Variants in AGBL4 observed in about 807,000 individuals in gnomAD.
The protein encoded by AGBL4 is AGBL carboxypeptidase 4.
A neutral mutation model predicts 66.4 loss-of-function variants in AGBL4; 58 were observed. That is an observed-to-expected ratio of 0.87 (90% confidence interval 0.71 to 1.09). The LOEUF (loss-of-function observed/expected upper bound fraction) is 1.09, where lower values mean the gene tolerates loss of function less well. Ranked by LOEUF, AGBL4 falls within the 50% of genes least tolerant of loss-of-function variation. The pLI is 0.00. For missense variants in AGBL4, 579 were observed against 631.0 expected (o/e 0.92, Z 0.88); for synonymous variants, 234 against 222.9 (o/e 1.05, Z -0.44).
chr1:48,725,803 C>G (rs1414008311), intron 6 of AGBL4, among the ~76,000 whole-genome samples: 1 of 152,170 alleles, frequency 6.6e-6, no homozygotes, highest in Non-Finnish European at 1.5e-5. Context: ...ATGTACACAA[C>G]AGAGGCCAAA....
At chr1:49,514,232 C>T (rs1354487454) in intron 3 of AGBL4, among the ~76,000 whole-genome samples, 2 of 151,844 alleles carry the variant, frequency 1.3e-5, no homozygotes, top group Non-Finnish European at 2.9e-5. Context: ...GCCTGATTGC[C>T]CTGGCCAGAA....
At chr1:49,335,585 G>T (rs1364822686) in intron 3 of AGBL4, among the ~76,000 whole-genome samples, 1 of 151,086 alleles carries the variant, frequency 6.6e-6, no homozygotes, top group Non-Finnish European at 1.5e-5. Context: ...GTGCAATCTT[G>T]GCTCACTGCA....
At chr1:49,134,475 G>GCCCCCCCCCCC (rs57286157) in intron 4 of AGBL4, among the ~76,000 whole-genome samples, 12 of 112,700 alleles carry the variant, frequency 1.1e-4, no homozygotes, top group Non-Finnish European at 1.8e-4. Context: ...ATTTTGGAGG[G>GCCCCCCCCCCC]CCCCCCCCCC....
At chr1:49,101,188 CT>C (rs921139596) in intron 4 of AGBL4, among the ~76,000 whole-genome samples, 794 of 143,368 alleles carry the variant, frequency 5.5e-3, no homozygotes, top group African/African-American at 8.2e-3. Flanking sequence ...ACTTTTTATT[CT>C]TTTTTTTTTT....
intron 3 of AGBL4, among the ~76,000 whole-genome samples, chr1:49,305,524 G>GA (rs1644833853): frequency 3.3e-5 from 5 of 152,018 alleles, no homozygotes; most frequent in Admixed American, 2.0e-4. Context: ...TGTATTTGTT[G>GA]AAAAAAATCC....
intron 3 of AGBL4, among the ~76,000 whole-genome samples, chr1:49,616,578 T>C (rs932593690): frequency 4.6e-5 from 7 of 152,166 alleles, no homozygotes; most frequent in African/African-American, 1.7e-4. Context: ...GGCTTCCAAT[T>C]TATAACTCAG....
intron 3 of AGBL4, among the ~76,000 whole-genome samples, chr1:49,342,152 T>TC (rs1645553268): frequency 1.3e-5 from 2 of 152,172 alleles, no homozygotes; most frequent in South Asian, 4.1e-4. Flanking sequence ...TCGCTTTTTT[T>TC]CCACTCTCCC....
intron 4 of AGBL4, among the ~76,000 whole-genome samples, chr1:49,060,803 C>T (rs1435532583): frequency 6.6e-6 from 1 of 152,128 alleles, no homozygotes; most frequent in Non-Finnish European, 1.5e-5. Flanking sequence ...ACTCCCAATC[C>T]CAGCTCAGGG....
chr1:49,488,977 T>G (rs1317721843), intron 3 of AGBL4, among the ~76,000 whole-genome samples: 3 of 151,970 alleles, frequency 2.0e-5, no homozygotes, highest in African/African-American at 7.2e-5. Context: ...GCTGCGTGAA[T>G]AGTGCTGCAA....
chr1:48,844,202 T>A (rs976518049), intron 6 of AGBL4, among the ~76,000 whole-genome samples: 3 of 152,152 alleles, frequency 2.0e-5, no homozygotes, highest in Admixed American at 6.5e-5. Flanking sequence ...ATCTTTAACA[T>A]CTCCTCCTCT....
intron 6 of AGBL4, among the ~76,000 whole-genome samples, chr1:48,823,076 T>C (rs1367604187): frequency 6.6e-6 from 1 of 152,206 alleles, no homozygotes; most frequent in South Asian, 2.1e-4. Flanking sequence ...GTACCACTCT[T>C]CTGGCACCAG....
intron 2 of AGBL4, among the ~76,000 whole-genome samples, chr1:49,771,277 G>A (rs932822106): frequency 1.3e-5 from 2 of 151,964 alleles, no homozygotes; most frequent in African/African-American, 2.4e-5. Context: ...TTGGAGGCAC[G>A]TTGTTTAATT....
intron 5 of AGBL4, among the ~76,000 whole-genome samples, chr1:49,037,714 C>T (rs1397878279): frequency 6.6e-6 from 1 of 152,014 alleles, no homozygotes; most frequent in Non-Finnish European, 1.5e-5. Flanking sequence ...TTGTATTATA[C>T]CAGATCTTAC....
intron 3 of AGBL4, among the ~76,000 whole-genome samples, chr1:49,328,764 T>C (rs528613853): frequency 6.6e-6 from 1 of 152,308 alleles, no homozygotes; most frequent in Admixed American, 6.5e-5. Context: ...GTAAAGTGAA[T>C]AGCCATTCAC....
At chr1:49,319,566 C>T (rs1490135724) in intron 3 of AGBL4, among the ~76,000 whole-genome samples, 1 of 152,122 alleles carries the variant, frequency 6.6e-6, no homozygotes, top group Non-Finnish European at 1.5e-5. Context: ...GTCCATATCC[C>T]AGCCTACAGG....
intron 9 of AGBL4, among the ~76,000 whole-genome samples, chr1:48,613,696 C>G (rs1236809319): frequency 6.6e-6 from 1 of 152,184 alleles, no homozygotes; most frequent in Non-Finnish European, 1.5e-5. Context: ...CACCTTTAGC[C>G]TGGGCCCTAG....
chr1:48,698,646 C>T (rs2148502723), intron 6 of AGBL4, among the ~76,000 whole-genome samples: 1 of 152,300 alleles, frequency 6.6e-6, no homozygotes, highest in Non-Finnish European at 1.5e-5. Context: ...GAGACCAAGG[C>T]TCATACAGGA....
intron 9 of AGBL4, among the ~76,000 whole-genome samples, chr1:48,618,298 T>C (rs1645352916): frequency 2.0e-5 from 3 of 152,208 alleles, no homozygotes; most frequent in Admixed American, 2.0e-4. Context: ...CTGAAAACTA[T>C]ACATCTCTGT....
Position 49,968,219 on chromosome 1 carries a change from CA to C in AGBL4, c.34+55543del, listed in dbSNP as rs10661536. Among the ~76,000 whole-genome samples, 373 of 135,392 alleles carry C rather than the reference CA, an allele frequency of 2.8e-3. 1 individual carries two copies. The highest frequency in any genetic ancestry group is 7.2e-3 in the African/African-American group (255 of 35,204). The allele number at this position is 135,392 out of a possible 152,430, so 88.8% of individuals were successfully genotyped here. A position where few individuals can be genotyped will look rare whatever the true frequency, so the allele number is the denominator to read the frequency against. On this transcript the variant is annotated intron_variant, in intron 1 of 13. Transcript: ENST00000371839. Reference sequence around the variant, plus strand: ...GCCTGGGCAAAAAGAGGGAGACTGTCAAAAAAAAAAAAAAATCAGCATTTCC... The same window carrying C: ...GCCTGGGCAAAAAGAGGGAGACTGTCAAAAAAAAAAAAAATCAGCATTTCC...
Sources: allele counts gnomAD v4.1 joint callset (sites outside exome capture counted in the v4.1 genomes callset), GRCh38; gene constraint gnomAD v4.1.1; transcripts MANE v1.5; gene names NCBI Gene and HGNC (gene_info 2026-07-23, HGNC 2026-07-21).